Variants in NRG3 observed in about 807,000 individuals in gnomAD.
NRG3 encodes the protein neuregulin 3.
A neutral mutation model predicts 66.9 loss-of-function variants in NRG3; 31 were observed. That is an observed-to-expected ratio of 0.46 (90% CI 0.35 to 0.63). The LOEUF (loss-of-function observed/expected upper bound fraction) is 0.63, where lower values mean the gene tolerates loss of function less well. Ranked by LOEUF, NRG3 falls within the 20% of genes least tolerant of loss-of-function variation. The pLI, the probability that NRG3 is intolerant of heterozygous loss-of-function variation, is 0.00. For synonymous variants in NRG3, 393 were observed against 359.4 expected, an observed-to-expected ratio of 1.09 and a Z score of -1.06; for missense variants, 910 against 878.9, an observed-to-expected ratio of 1.04 and a Z score of -0.45.
At chr10:81,884,686 G>A (rs951147601) in intron 1 of NRG3, among the ~76,000 whole-genome samples, 4 of 152,088 alleles carry the variant, frequency 2.6e-5, no homozygotes, top group African/African-American at 7.2e-5. Context: ...CAAATACCAG[G>A]CCATTTTATG....
At chr10:81,950,942 A>G (rs1173981652) in intron 1 of NRG3, among the ~76,000 whole-genome samples, 3 of 151,270 alleles carry the variant, frequency 2.0e-5, no homozygotes, top group Non-Finnish European at 2.9e-5. Flanking sequence ...GTAAATTGCA[A>G]TCTTGCCCTT....
At chr10:82,381,106 G>A (rs543779704) in intron 2 of NRG3, among the ~76,000 whole-genome samples, 9 of 152,184 alleles carry the variant, frequency 5.9e-5, no homozygotes, top group Middle Eastern at 3.4e-3. Context: ...ATAATAAATA[G>A]CAGCAAGGGA....
chr10:82,868,457 G>A (rs570912783), intron 4 of NRG3, among the ~76,000 whole-genome samples: 33 of 152,026 alleles, frequency 2.2e-4, no homozygotes, highest in African/African-American at 7.7e-4. Context: ...TGACTCCAAC[G>A]GTAGAAATTT....
intron 3 of NRG3, among the ~76,000 whole-genome samples, chr10:82,758,796 C>T (rs971296152): frequency 5.3e-5 from 8 of 151,630 alleles, no homozygotes; most frequent in Admixed American, 5.3e-4. Context: ...GCTGTCTTGC[C>T]AATACTGTGT....
At chr10:82,423,393 G>T (rs558270804) in intron 2 of NRG3, among the ~76,000 whole-genome samples, 1 of 152,026 alleles carries the variant, frequency 6.6e-6, no homozygotes, top group South Asian at 2.1e-4. Flanking sequence ...TGTTGAAAGT[G>T]AATTTAGAAT....
chr10:81,959,039 C>T (rs1850104005), intron 1 of NRG3, among the ~76,000 whole-genome samples: 1 of 152,088 alleles, frequency 6.6e-6, no homozygotes, highest in Non-Finnish European at 1.5e-5. Flanking sequence ...ATTTCAGAAA[C>T]AGTGGTGTAG....
At chr10:82,446,483 C>G (rs925940471) in intron 2 of NRG3, among the ~76,000 whole-genome samples, 1 of 152,132 alleles carries the variant, frequency 6.6e-6, no homozygotes, top group Non-Finnish European at 1.5e-5. Flanking sequence ...ATGTCCTTTA[C>G]AAGGAGAGGG....
At chr10:82,506,042 CTG>C (rs1308658485) in intron 2 of NRG3, among the ~76,000 whole-genome samples, 1 of 152,048 alleles carries the variant, frequency 6.6e-6, no homozygotes, top group African/African-American at 2.4e-5. Flanking sequence ...TGTCAGGAGA[CTG>C]AGACCATCCT....
At chr10:82,341,763 T>C (rs574698082) in intron 1 of NRG3, among the ~76,000 whole-genome samples, 1 of 152,120 alleles carries the variant, frequency 6.6e-6, no homozygotes, top group African/African-American at 2.4e-5. Context: ...CACCTTCCCA[T>C]CTTTTGTAGT....
intron 1 of NRG3, among the ~76,000 whole-genome samples, chr10:81,996,763 C>T (rs2060955308): frequency 6.6e-6 from 1 of 151,842 alleles, no homozygotes; most frequent in South Asian, 2.1e-4. Flanking sequence ...ATGTGAATTG[C>T]TGTGTGGGTG....
intron 1 of NRG3, among the ~76,000 whole-genome samples, chr10:82,033,279 T>A (rs1445092718): frequency 6.6e-6 from 1 of 152,164 alleles, no homozygotes; most frequent in African/African-American, 2.4e-5. Context: ...TTTCCTGGAA[T>A]AATGTACCGT....
At chr10:82,176,743 TGA>T (rs2073060928) in intron 1 of NRG3, among the ~76,000 whole-genome samples, 1 of 152,110 alleles carries the variant, frequency 6.6e-6, no homozygotes, top group African/African-American at 2.4e-5. Context: ...CTGGGCTCAA[TGA>T]TTGCTGTTTT....
intron 4 of NRG3, among the ~76,000 whole-genome samples, chr10:82,900,578 G>T (rs1330376603): frequency 6.6e-6 from 1 of 152,010 alleles, no homozygotes; most frequent in Non-Finnish European, 1.5e-5. Flanking sequence ...ACTTATTATT[G>T]AGAATAAAAT....
chr10:82,543,195 ATCATTT>A (rs2043664075), intron 2 of NRG3, among the ~76,000 whole-genome samples: 1 of 152,072 alleles, frequency 6.6e-6, no homozygotes, highest in East Asian at 1.9e-4. Context: ...CCCAGCCTAG[ATCATTT>A]TTTACTATAA....
chr10:81,982,609 C>T (rs1292439872), intron 1 of NRG3, among the ~76,000 whole-genome samples: 1 of 152,232 alleles, frequency 6.6e-6, no homozygotes, highest in African/African-American at 2.4e-5. Flanking sequence ...GCCTGAGCCT[C>T]TCTTCTTGGC....
At chr10:82,932,976 T>A (rs991472068) in intron 4 of NRG3, among the ~76,000 whole-genome samples, 1 of 152,208 alleles carries the variant, frequency 6.6e-6, no homozygotes, top group African/African-American at 2.4e-5. Context: ...TCTTCTCTTC[T>A]CTTCTTTCCC....
At chr10:82,772,073 T>A (rs1721135129) in intron 3 of NRG3, among the ~76,000 whole-genome samples, 1 of 152,192 alleles carries the variant, frequency 6.6e-6, no homozygotes, top group Non-Finnish European at 1.5e-5. Context: ...GCCTTTCTCT[T>A]TTGTTGAATT....
At position 81,875,424 on chromosome 10, in the gene NRG3, TGCGGCG is replaced by T; in HGVS notation, c.90_95del (p.Ala33_Ala34del). 1 of 1,091,042 alleles carries T rather than the reference TGCGGCG, an allele frequency of 9.2e-7. No individual in the cohort carries two copies. The highest frequency in any genetic ancestry group is 1.1e-6 in the Non-Finnish European group (1 of 900,438). 67.6% of individuals were successfully genotyped at this position (1,091,042 alleles called of 1,614,324 possible). On this transcript the variant is annotated inframe_deletion, in exon 1 of 9. Coordinates refer to ENST00000372141, the MANE Select transcript of NRG3 (RefSeq NM_001010848.4). The surrounding 1 kb of genome is among the most constrained non-coding windows in gnomAD (Gnocchi z 5.3). ...CGGCCGAGGAGGGCACCGCGGCGGCTGCGGCGGCGGCAGCGGCGGGCGGGGGCCCGG... is the reference window on the plus strand; with the variant it reads ...CGGCCGAGGAGGGCACCGCGGCGGCTGCGGCAGCGGCGGGCGGGGGCCCGG...
At chr10:82,964,228 G>A (rs4362091) in intron 6 of NRG3, among the ~76,000 whole-genome samples, 51,709 of 152,002 alleles carry the variant, frequency 0.34, 9,301 homozygotes, top group East Asian at 0.66. Flanking sequence ...TGATTACTGC[G>A]AGTGATCAAT....
Sources: gnomAD v4.1 joint callset for allele counts (sites outside exome capture counted in the v4.1 genomes callset) on GRCh38, gnomAD v4.1.1 for gene constraint, Gnocchi (gnomAD v3.1) non-coding constraint, MANE v1.5 for transcripts, NCBI Gene and HGNC (gene_info 2026-07-23, HGNC 2026-07-21) for gene names.